GSG1: variants seen among roughly 807,000 people sequenced by gnomAD.
GSG1 encodes germ cell associated 1.
Under a neutral mutation model 30.8 loss-of-function variants are expected in GSG1, and 28 were observed. That is an observed-to-expected ratio of 0.91 (90% CI 0.67 to 1.25). The LOEUF is 1.25. Among genes scored for constraint, GSG1 ranks in the 50% most tolerant of loss-of-function variants. GSG1 has a pLI of 0.00. For missense variants in GSG1, 435 were observed against 444.7 expected, an observed-to-expected ratio of 0.98 and a Z score of 0.20; for synonymous variants, 162 against 178.0, an observed-to-expected ratio of 0.91 and a Z score of 0.71.
rs1270612862 is a variant in GSG1, at chr12:13,101,263, G to A, written c.48+2202C>T. ...ACTTCCGAGCGCGCCCTCCCACCCT[G>A]ATGAGTAACGCGCCGTCTCTCCCGT... On this transcript the variant is annotated intron_variant, in intron 1 of 6. Coordinates refer to ENST00000651961, the MANE Select transcript of GSG1 (RefSeq NM_001080555.4). The surrounding 1 kb of genome is among the most constrained non-coding windows in gnomAD (Gnocchi z 5.8). Among the ~76,000 whole-genome samples, 1 of 152,166 alleles carries A rather than the reference G, an allele frequency of 6.6e-6. No individual in the cohort carries two copies. The highest frequency in any genetic ancestry group is 6.5e-5 in the Admixed American group (1 of 15,280).
intron 1 of GSG1, among the ~76,000 whole-genome samples, chr12:13,091,608 G>T (rs1866150535): frequency 6.6e-6 from 1 of 152,242 alleles, no homozygotes; most frequent in African/African-American, 2.4e-5. Flanking sequence ...TGAGGCTGAG[G>T]TGGGAGGATC....
intron 6 of GSG1, among the ~76,000 whole-genome samples, chr12:13,086,787 T>C (rs2120617799): frequency 6.6e-6 from 1 of 152,180 alleles, no homozygotes; most frequent in African/African-American, 2.4e-5. Flanking sequence ...CTCTGTTCTC[T>C]AATACCTTGA....
chr12:13,089,179 G>C lies in GSG1; in HGVS notation c.433+29C>G, dbSNP rs1419059742. 3 of 1,548,726 alleles carry C rather than the reference G, an allele frequency of 1.9e-6. No individual in the cohort carries two copies. In the South Asian group the frequency reaches 3.6e-5, roughly 19 times the overall value. ...GTGTTCCCATTTCCCGTGTCCAGAA[G>C]AGTTAATGATCTTAGTGTTAACTAA... On this transcript the variant is annotated intron_variant, in intron 3 of 6. Coordinates refer to ENST00000651961, the MANE Select transcript of GSG1 (RefSeq NM_001080555.4).
At chr12:13,097,809 T>C (rs1199135610) in intron 1 of GSG1, among the ~76,000 whole-genome samples, 1 of 152,208 alleles carries the variant, frequency 6.6e-6, no homozygotes, top group Non-Finnish European at 1.5e-5. Context: ...AAACCCTCTG[T>C]ATCCGCCCCC....
At chr12:13,090,334 G>A (rs1247374703) in intron 2 of GSG1, among the ~76,000 whole-genome samples, 169 bp downstream of exon 2, 1 of 152,266 alleles carries the variant, frequency 6.6e-6, no homozygotes, top group African/African-American at 2.4e-5. Context: ...ACTGGACGGA[G>A]GTGGAAGGTT....
At chr12:13,087,029 C>G (rs1031322921) in intron 6 of GSG1, 123 bp downstream of exon 6, 1 of 649,802 alleles carries the variant, frequency 1.5e-6, no homozygotes, top group African/African-American at 1.8e-5. Flanking sequence ...GTGTGGTTGA[C>G]AGGCTCTTGG....
Position 13,087,916 on chromosome 12 carries a change from C to T in GSG1, c.625G>A (p.Val209Ile). The T allele has an allele frequency of 1.2e-6, 2 of 1,614,060 alleles. No individual in the cohort carries two copies. The highest frequency in any genetic ancestry group is 8.5e-7 in the Non-Finnish European group (1 of 1,179,994). ...KLSAFAAVSS[V>I]LSGLLGMVAH... ...TCCAGGAGCAACTCACCTGACAGGA[C>T]AGAGGAAACAGCAGCAAAGGCGCTC... is the stretch of plus-strand genomic sequence containing the variant. The change falls in exon 5 of 7, where the codon GTC (valine) becomes ATC (isoleucine). Residue 209 changes from valine to isoleucine, a missense_variant. By Grantham distance (29) the Val-to-Ile change is conservative. Transcript: ENST00000651961.
chr12:13,098,141 G>GTT (rs1174478366), intron 1 of GSG1, among the ~76,000 whole-genome samples: 10 of 141,032 alleles, frequency 7.1e-5, no homozygotes, highest in African/African-American at 1.6e-4. Flanking sequence ...TGTGTTCTTT[G>GTT]TTTTTTTTTT....
chr12:13,102,550 C>T (rs947624838), intron 1 of GSG1, among the ~76,000 whole-genome samples: 1 of 152,234 alleles, frequency 6.6e-6, no homozygotes, highest in African/African-American at 2.4e-5. Context: ...TCCGATGGCT[C>T]TTCAGAACCA....
At chr12:13,089,397 A>G (rs749398869) in intron 2 of GSG1, 121 bp from the exon 3 acceptor site, 1 of 1,502,902 alleles carries the variant, frequency 6.7e-7, no homozygotes, top group South Asian at 1.2e-5. Flanking sequence ...GATTCTGGGC[A>G]TTAGAAGAAC....
chr12:13,090,959 G>T, intron 1 of GSG1, 141 bp from the exon 2 acceptor site: 1 of 703,034 alleles, frequency 1.4e-6, no homozygotes, highest in Non-Finnish European at 2.3e-6. Context: ...ACCCGCCTCT[G>T]ACATTTTTCT....
Position 13,103,595 on chromosome 12 carries a change from G to C in GSG1, c.-83C>G, listed in dbSNP as rs1051490464. 2.7e-5 allele frequency: 40 copies of C among 1,468,806 alleles called. No homozygotes were observed. In the East Asian group the frequency reaches 2.7e-4, roughly 10 times the overall value. The allele number at this position is 1,468,806 out of a possible 1,614,324, so 91.0% of individuals were successfully genotyped here. On this transcript the variant is annotated 5_prime_UTR_variant, in exon 1 of 7. Coordinates refer to ENST00000651961, the MANE Select transcript of GSG1 (RefSeq NM_001080555.4). ...CAGTTGGGTAGAATGAGTGTTTAGC[G>C]TGAGGATGAATCAGGTCCCCTCTTG...
intron 1 of GSG1, among the ~76,000 whole-genome samples, chr12:13,094,899 G>T (rs530624508): frequency 6.6e-6 from 1 of 151,738 alleles, no homozygotes; most frequent in Non-Finnish European, 1.5e-5. Flanking sequence ...TTATTCTCGG[G>T]GTTATTCAGA....
intron 1 of GSG1, among the ~76,000 whole-genome samples, chr12:13,098,211 G>A (rs1862879968): frequency 6.6e-6 from 1 of 151,712 alleles, no homozygotes; most frequent in African/African-American, 2.4e-5. Flanking sequence ...ACGCTGGGTG[G>A]CGCTATCTCC....
At chr12:13,087,584 T>C (rs1446443942) in intron 5 of GSG1, among the ~76,000 whole-genome samples, 2 of 152,346 alleles carry the variant, frequency 1.3e-5, no homozygotes, top group Middle Eastern at 3.4e-3. Flanking sequence ...TCATCTTATA[T>C]GTGCATCTTT....
intron 1 of GSG1, among the ~76,000 whole-genome samples, chr12:13,102,178 A>G (rs1489686708): frequency 6.6e-6 from 1 of 152,140 alleles, no homozygotes; most frequent in Non-Finnish European, 1.5e-5. Context: ...AAGCTAGTAA[A>G]TGGTAAAGTC....
intron 6 of GSG1, among the ~76,000 whole-genome samples, 175 bp downstream of exon 6, chr12:13,086,977 A>T (rs1317038603): frequency 6.6e-6 from 1 of 152,188 alleles, no homozygotes; most frequent in Non-Finnish European, 1.5e-5. Context: ...GTACCCCCTC[A>T]GAAGGCAGGG....
rs562353725 is a variant in GSG1, at chr12:13,085,239, C to T, written c.751G>A (p.Ala251Thr). ...ATGCAGCAGGTGAAGGAGAGCCAGGCCATGCTAGGGACAAATGCACAAAAA... is the reference window on the plus strand; with the variant it reads ...ATGCAGCAGGTGAAGGAGAGCCAGGTCATGCTAGGGACAAATGCACAAAAA... ...VWNYGWAFYM[A>T]WLSFTCCMAS... Residue 251 changes from alanine (A) to threonine (T), a missense_variant, in exon 7 of 7, where the codon GCC becomes ACC. Physicochemically the swap from Ala to Thr is moderately conservative, Grantham distance 58. Transcript: ENST00000651961. 1.9e-6 allele frequency: 3 copies of T among 1,598,440 alleles called. No homozygotes were observed. Among genetic ancestry groups the T allele is most frequent in the Non-Finnish European group, 2.6e-6 (3 of 1,170,652 alleles).
At chr12:13,090,030 CAA>C (rs1329488953) in intron 2 of GSG1, among the ~76,000 whole-genome samples, 3 of 152,144 alleles carry the variant, frequency 2.0e-5, no homozygotes, top group African/African-American at 7.2e-5. Flanking sequence ...GCCTGGGCAA[CAA>C]GAGCAAAACT....
Sources: allele counts gnomAD v4.1 joint callset (sites outside exome capture counted in the v4.1 genomes callset), GRCh38; gene constraint gnomAD v4.1.1; non-coding constraint Gnocchi (gnomAD v3.1); transcripts MANE v1.5; gene names NCBI Gene and HGNC (gene_info 2026-07-23, HGNC 2026-07-21).